Variants in CTNNBL1 observed in about 807,000 individuals in gnomAD.
CTNNBL1 encodes the protein catenin beta like 1, also known as beta-catenin-like protein 1.
In CTNNBL1, 31 loss-of-function variants were observed where a neutral mutation model predicts 72.7. The observed-to-expected ratio is 0.43, with a 90% confidence interval of 0.32 to 0.58. The LOEUF is 0.58. CTNNBL1 is among the 20% of genes least tolerant of loss of function. The pLI is 0.08. For synonymous variants in CTNNBL1, 240 were observed against 267.3 expected (o/e 0.90, Z 1.00); for missense variants, 534 against 725.1 (o/e 0.74, Z 3.03).
intron 10 of CTNNBL1, among the ~76,000 whole-genome samples, chr20:37,782,516 T>C (rs2073634843): frequency 6.6e-6 from 1 of 152,230 alleles, no homozygotes; most frequent in African/African-American, 2.4e-5. Context: ...ACAGTGAAGA[T>C]GTAGAACAGC....
chr20:37,728,241 G>A (rs144627774), intron 1 of CTNNBL1, among the ~76,000 whole-genome samples: 54 of 152,194 alleles, frequency 3.5e-4, no homozygotes, highest in Middle Eastern at 3.4e-3. Context: ...CAAGGACCTA[G>A]TGTGAAAAAA....
chr20:37,856,075 A>G (rs2072437709), intron 13 of CTNNBL1, among the ~76,000 whole-genome samples: 1 of 152,086 alleles, frequency 6.6e-6, no homozygotes, highest in Non-Finnish European at 1.5e-5. Flanking sequence ...CATCTCTACT[A>G]AAAATACAAA....
At chr20:37,847,640 G>C (rs1033306461) in intron 13 of CTNNBL1, among the ~76,000 whole-genome samples, 2 of 152,108 alleles carry the variant, frequency 1.3e-5, no homozygotes, top group Non-Finnish European at 2.9e-5. Context: ...CCTGGCTTTT[G>C]ACTGTCAGAA....
chr20:37,749,154 C>T (rs563336633), intron 4 of CTNNBL1, among the ~76,000 whole-genome samples: 3 of 152,328 alleles, frequency 2.0e-5, no homozygotes, highest in African/African-American at 7.2e-5. Context: ...TCCGGTGTTC[C>T]TCCAGTGCAC....
chr20:37,703,553 T>G (rs957502320), intron 1 of CTNNBL1, among the ~76,000 whole-genome samples: 1 of 152,216 alleles, frequency 6.6e-6, no homozygotes, highest in Admixed American at 6.5e-5. Context: ...CCTTTCAGCA[T>G]CTTTTTGCAG....
intron 15 of CTNNBL1, among the ~76,000 whole-genome samples, chr20:37,865,424 T>C (rs530479084): frequency 6.8e-4 from 104 of 152,296 alleles, no homozygotes; most frequent in African/African-American, 2.5e-3. Context: ...GTAGTAATAA[T>C]TTATCGTTTT....
rs1389280812 is a variant in CTNNBL1 at position 37,777,660 on chromosome 20, G to C, written c.830G>C (p.Arg277Thr). 4 of 1,613,748 alleles carry C rather than the reference G, an allele frequency of 2.5e-6. No homozygotes were observed. Among genetic ancestry groups the C allele is most frequent in the Non-Finnish European group, 3.4e-6 (4 of 1,179,722 alleles). Residue 277 changes from arginine (R) to threonine (T), a missense_variant, in exon 9 of 16, where the codon AGG becomes ACG. Coordinates refer to ENST00000361383, the MANE Select transcript of CTNNBL1 (RefSeq NM_030877.5). ...AILLQDNDEN[R>T]ELLGELDGID... ...CTATTTTTTTCCCCTTTAGAAAACA[G>C]GGAATTGCTTGGGGAGCTGGATGGA...
chr20:37,792,320 C>T (rs2073732072), intron 10 of CTNNBL1, among the ~76,000 whole-genome samples: 2 of 151,712 alleles, frequency 1.3e-5, no homozygotes, highest in Non-Finnish European at 2.9e-5. Flanking sequence ...CTCTCTTTCT[C>T]TCTGTGTGTT....
At chr20:37,752,619 T>C (rs1302050999) in intron 4 of CTNNBL1, among the ~76,000 whole-genome samples, 1 of 152,032 alleles carries the variant, frequency 6.6e-6, no homozygotes, top group Non-Finnish European at 1.5e-5. Flanking sequence ...ATGAGATTAA[T>C]GCTTAATTTC....
rs6012884 is a variant in CTNNBL1, at chr20:37,710,411, A to T, written c.30+16259A>T. On this transcript the variant is annotated intron_variant, in intron 1 of 15. Transcript: ENST00000361383. ...GTTTTGAAAAGTTGAGGTTGTTGGA[A>T]GAATGAAGCATTCGTATTCTTGGTC... is the stretch of plus-strand genomic sequence containing the variant. Among the ~76,000 whole-genome samples the T allele has an allele frequency of 4.5e-3, 689 of 152,316 alleles. 9 individuals are homozygous for T. The highest frequency in any genetic ancestry group is 0.017 in the East Asian group (89 of 5,190).
chr20:37,856,397 G>C (rs762774883), intron 13 of CTNNBL1, among the ~76,000 whole-genome samples: 4 of 151,998 alleles, frequency 2.6e-5, no homozygotes, highest in Non-Finnish European at 5.9e-5. Flanking sequence ...GGGGTTGAAG[G>C]ACTGAAAAAT....
chr20:37,773,193 G>T (rs1436683915), intron 7 of CTNNBL1, among the ~76,000 whole-genome samples: 1 of 152,184 alleles, frequency 6.6e-6, no homozygotes, highest in African/African-American at 2.4e-5. Flanking sequence ...AAAGTTCTTA[G>T]CCTCTATGAC....
intron 10 of CTNNBL1, among the ~76,000 whole-genome samples, chr20:37,800,032 A>G (rs1223593325): frequency 1.3e-5 from 2 of 152,202 alleles, no homozygotes; most frequent in Non-Finnish European, 2.9e-5. Flanking sequence ...CTGACCCAGG[A>G]TAGCACTCTT....
At chr20:37,836,142 T>C (rs2072251588) in intron 11 of CTNNBL1, among the ~76,000 whole-genome samples, 1 of 152,214 alleles carries the variant, frequency 6.6e-6, no homozygotes, top group Non-Finnish European at 1.5e-5. Context: ...TTGCTTTCTG[T>C]GGTTGTGTGT....
chr20:37,870,595 C>T (rs2072575791), intron 15 of CTNNBL1, among the ~76,000 whole-genome samples: 1 of 152,210 alleles, frequency 6.6e-6, no homozygotes, highest in Admixed American at 6.5e-5. Context: ...GCCTCACCTC[C>T]ACCGCTACCT....
At chr20:37,861,033 A>T (rs1244670139) in intron 15 of CTNNBL1, among the ~76,000 whole-genome samples, 2 of 152,214 alleles carry the variant, frequency 1.3e-5, no homozygotes, top group Non-Finnish European at 2.9e-5. Flanking sequence ...GCAGGGGACT[A>T]CTGTAACTGG....
chr20:37,726,031 T>C (rs1391453102), intron 1 of CTNNBL1, among the ~76,000 whole-genome samples: 3 of 152,140 alleles, frequency 2.0e-5, no homozygotes, highest in Non-Finnish European at 4.4e-5. Flanking sequence ...CATGCATACA[T>C]ATATGCATAA....
chr20:37,756,298 A>G (rs2073362603), intron 4 of CTNNBL1: 2 of 152,378 alleles, frequency 1.3e-5, no homozygotes. Flanking sequence ...CAGATGAGGA[A>G]ACTGAGGCCC....
chr20:37,829,094 A>G (rs150453832), intron 11 of CTNNBL1, among the ~76,000 whole-genome samples: 3 of 152,190 alleles, frequency 2.0e-5, no homozygotes, highest in African/African-American at 4.8e-5. Flanking sequence ...AGAAACCAGG[A>G]CGTCTGTCCA....
Sources: allele counts gnomAD v4.1 joint callset (sites outside exome capture counted in the v4.1 genomes callset), GRCh38; gene constraint gnomAD v4.1.1; transcripts MANE v1.5; gene names NCBI Gene and HGNC (gene_info 2026-07-23, HGNC 2026-07-21).